Variants in CD2AP observed in about 807,000 individuals in gnomAD.
The protein encoded by CD2AP is CD2 associated protein, also known as CD2-associated protein.
Under a neutral mutation model 85.1 loss-of-function variants are expected in CD2AP, and 46 were observed. That is an observed-to-expected ratio of 0.54 (90% confidence interval 0.43 to 0.69). The LOEUF (loss-of-function observed/expected upper bound fraction) is 0.69. Ranked by LOEUF, CD2AP falls within the 30% of genes least tolerant of loss-of-function variation. CD2AP has a pLI of 0.00. For missense variants in CD2AP, 769 were observed against 729.5 expected, an observed-to-expected ratio of 1.05 and a Z score of -0.62; for synonymous variants, 255 against 252.9, an observed-to-expected ratio of 1.01 and a Z score of -0.08.
At chr6:47,537,324 G>A (rs1767078392) in intron 3 of CD2AP, among the ~76,000 whole-genome samples, 1 of 152,106 alleles carries the variant, frequency 6.6e-6, no homozygotes, top group Non-Finnish European at 1.5e-5. Context: ...GAGTGTGTTG[G>A]TTCATGGTGG....
chr6:47,600,162 C>T (rs934634316), intron 13 of CD2AP, among the ~76,000 whole-genome samples: 10 of 151,668 alleles, frequency 6.6e-5, no homozygotes, highest in Non-Finnish European at 1.5e-5. Context: ...CATGTATGTT[C>T]TTAGTTTAAC....
At chr6:47,554,846 ACT>A (rs1458123796) in intron 5 of CD2AP, 80 bp downstream of exon 5, 4 of 1,380,438 alleles carry the variant, frequency 2.9e-6, no homozygotes, top group African/African-American at 2.9e-5. Flanking sequence ...ATTTTTTGAA[ACT>A]CTGTTCTTTC....
chr6:47,603,996 GAA>G (rs889356522), intron 13 of CD2AP, among the ~76,000 whole-genome samples: 1 of 151,900 alleles, frequency 6.6e-6, no homozygotes, highest in African/African-American at 2.4e-5. Context: ...ATTCATTTTG[GAA>G]AAGTTTCCTG....
At chr6:47,588,239 T>C (rs966166382) in intron 11 of CD2AP, among the ~76,000 whole-genome samples, 1 of 152,176 alleles carries the variant, frequency 6.6e-6, no homozygotes, top group Non-Finnish European at 1.5e-5. Flanking sequence ...TTTCTCATTA[T>C]TGTCTGTTAC....
At position 47,574,057 on chromosome 6, in the gene CD2AP, G is replaced by A. The variant is rs1768231543; in HGVS notation, c.542-7G>A. The A allele has an allele frequency of 6.2e-7, 1 of 1,613,414 alleles. No homozygotes were observed. Among genetic ancestry groups the A allele is most frequent in the South Asian group, 1.1e-5 (1 of 91,066 alleles). On this transcript the variant is annotated splice_region_variant and splice_polypyrimidine_tract_variant and intron_variant, in intron 5 of 17. Coordinates refer to ENST00000359314, the MANE Select transcript of CD2AP (RefSeq NM_012120.3). ...TGTCATTCTTCAAAAACAAATTATT[G>A]TTTCAGAAACTGTTTTGGCTGGGCC...
chr6:47,531,459 A>G (rs1300777883), intron 2 of CD2AP, among the ~76,000 whole-genome samples: 1 of 151,608 alleles, frequency 6.6e-6, no homozygotes, highest in African/African-American at 2.4e-5. Flanking sequence ...TGGAGAGACG[A>G]TATGAGGGGA....
chr6:47,505,075 C>T lies in CD2AP; in HGVS notation c.165+1635C>T, dbSNP rs533154595. ...ATTGATAATTCTTGGGTGTTTCTCA[C>T]AGAGGGGGATTTGGCAGGGTCATGG... On this transcript the variant is annotated intron_variant, in intron 2 of 17. Transcript: ENST00000359314. 1.0e-3 allele frequency among the ~76,000 whole-genome samples: 127 copies of T among 122,060 alleles called. 1 individual carries two copies. The highest frequency in any genetic ancestry group is 3.6e-3 in the African/African-American group (117 of 32,366). The allele number at this position is 122,060 out of a possible 152,430, so 80.1% of individuals were successfully genotyped here.
chr6:47,546,392 G>A (rs1239322843), intron 4 of CD2AP, among the ~76,000 whole-genome samples: 1 of 151,970 alleles, frequency 6.6e-6, no homozygotes, highest in Non-Finnish European at 1.5e-5. Flanking sequence ...GCCTTCTTGA[G>A]GAAGAAGAGA....
chr6:47,606,958 C>T (rs368926176), intron 14 of CD2AP, among the ~76,000 whole-genome samples: 34 of 152,060 alleles, frequency 2.2e-4, no homozygotes, highest in African/African-American at 6.0e-4. Flanking sequence ...CCATCCCTAC[C>T]GCCACCACAC....
intron 5 of CD2AP, among the ~76,000 whole-genome samples, chr6:47,559,987 A>T (rs181485621): frequency 6.6e-6 from 1 of 152,320 alleles, no homozygotes; most frequent in African/African-American, 2.4e-5. Flanking sequence ...AGGACTTCTA[A>T]GAATTTGGGC....
intron 2 of CD2AP, among the ~76,000 whole-genome samples, chr6:47,505,712 C>T (rs1270938820): frequency 1.6e-4 from 11 of 70,926 alleles, no homozygotes; most frequent in Admixed American, 3.5e-4. Flanking sequence ...GGTGGCTGGC[C>T]GGGCTGAGGG....
intron 4 of CD2AP, among the ~76,000 whole-genome samples, chr6:47,552,334 A>G (rs1767550040): frequency 6.6e-6 from 1 of 151,446 alleles, no homozygotes; most frequent in African/African-American, 2.4e-5. Context: ...AGTCCAATGT[A>G]TCATTCTTAA....
intron 5 of CD2AP, among the ~76,000 whole-genome samples, chr6:47,561,602 C>A (rs1053451193): frequency 2.6e-5 from 4 of 152,064 alleles, no homozygotes; most frequent in Admixed American, 2.0e-4. Flanking sequence ...CATGCACATA[C>A]AATCCCATAC....
chr6:47,560,781 A>G (rs1418381055), intron 5 of CD2AP, among the ~76,000 whole-genome samples: 1 of 152,144 alleles, frequency 6.6e-6, no homozygotes, highest in Non-Finnish European at 1.5e-5. Context: ...TAAGTGTTTC[A>G]TGGAGAGATA....
chr6:47,561,540 A>C (rs1488105486), intron 5 of CD2AP, among the ~76,000 whole-genome samples: 1 of 151,846 alleles, frequency 6.6e-6, no homozygotes, highest in South Asian at 2.1e-4. Flanking sequence ...GGTCATTGCT[A>C]CTGGGGTAAT....
intron 5 of CD2AP, among the ~76,000 whole-genome samples, chr6:47,556,018 A>T (rs1040293335): frequency 6.7e-5 from 10 of 149,994 alleles, no homozygotes; most frequent in Non-Finnish European, 1.5e-4. Context: ...ACCTCAGTGC[A>T]CTCAGTGGTA....
intron 1 of CD2AP, among the ~76,000 whole-genome samples, chr6:47,500,547 G>A (rs142044692): frequency 1.3e-5 from 2 of 152,148 alleles, no homozygotes; most frequent in African/African-American, 4.8e-5. Context: ...TTCATGTAAC[G>A]AATCTGAAGG....
At chr6:47,536,273 A>G (rs2114030171) in intron 3 of CD2AP, among the ~76,000 whole-genome samples, 1 of 152,116 alleles carries the variant, frequency 6.6e-6, no homozygotes, top group Admixed American at 6.5e-5. Context: ...AATTCCCAAA[A>G]TAGATCACTT....
intron 16 of CD2AP, among the ~76,000 whole-genome samples, chr6:47,610,725 C>T (rs1769405371): frequency 6.6e-6 from 1 of 151,354 alleles, no homozygotes; most frequent in Non-Finnish European, 1.5e-5. Flanking sequence ...TTCAGTTTAT[C>T]TGTTTTGAAA....
Sources: gnomAD v4.1 joint callset for allele counts (sites outside exome capture counted in the v4.1 genomes callset) on GRCh38, gnomAD v4.1.1 for gene constraint, MANE v1.5 for transcripts, NCBI Gene and HGNC (gene_info 2026-07-23, HGNC 2026-07-21) for gene names.